Variants in RNF170 observed in about 807,000 individuals in gnomAD.
The protein encoded by RNF170 is E3 ubiquitin-protein ligase RNF170.
In RNF170, 12 loss-of-function variants were observed where a neutral mutation model predicts 32.7. That is an observed-to-expected ratio of 0.37 (90% CI 0.24 to 0.60). The LOEUF is 0.60. RNF170 is among the 20% of genes least tolerant of loss of function. The probability of loss-of-function intolerance (pLI) is 0.72; values close to 1 mark genes in which losing one functional copy is unlikely to be tolerated. For synonymous variants in RNF170, 91 were observed against 103.6 expected (o/e 0.88, Z 0.74); for missense variants, 212 against 311.2 (o/e 0.68, Z 2.40).
rs1469422360 is a variant in RNF170 at position 42,896,514 on chromosome 8, T to A, written c.-38A>T. On this transcript the variant is annotated 5_prime_UTR_variant, in exon 1 of 7. Coordinates refer to ENST00000527424, the MANE Select transcript of RNF170 (RefSeq NM_030954.4). ...CACCGCGAAGGAACTACCTCGCCAG[T>A]TCCCGGCGACAGAGGACAGATTATT... 5 of 453,818 alleles carry A rather than the reference T, an allele frequency of 1.1e-5. No individual in the cohort carries two copies. Among genetic ancestry groups the A allele is most frequent in the East Asian group, 1.4e-4 (2 of 14,344 alleles). The allele number at this position is 453,818 out of a possible 1,614,324, so 28.1% of individuals were successfully genotyped here.
chr8:42,877,000 C>T (rs1048943950), intron 2 of RNF170, among the ~76,000 whole-genome samples: 1 of 140,070 alleles, frequency 7.1e-6, no homozygotes, highest in African/African-American at 2.7e-5. Context: ...GTCGTCCAGG[C>T]TGGGGTGCAG....
In RNF170 at chr8:42,856,313, C is replaced by A; in HGVS notation, c.623G>T (p.Gly208Val). The change falls in exon 7 of 7, where the codon GGA (glycine) becomes GTA (valine). Residue 208 changes from glycine (G) to valine (V), a missense_variant. Gly to Val is a moderately radical substitution (Grantham distance 109). Transcript: ENST00000527424. ...AGGTGATATAAGATAGAAAAAAGCT[C>A]CCATTAAACAAAGTATTATCCTGAT... ...FRIRIILCLM[G>V]AFFYLISPLD... is the part of the protein sequence containing the mutation. The A allele has an allele frequency of 6.3e-7, 1 of 1,583,214 alleles. No individual in the cohort carries two copies. Among genetic ancestry groups the A allele is most frequent in the Non-Finnish European group, 8.5e-7 (1 of 1,170,872 alleles).
At chr8:42,852,240 C>A (rs541156909), downstream of RNF170, among the ~76,000 whole-genome samples, 115 of 152,198 alleles carry the variant, frequency 7.6e-4, no homozygotes, top group Middle Eastern at 6.8e-3. Flanking sequence ...ATGTGGTGTC[C>A]CTCAGCCAAG....
chr8:42,855,228 T>C lies in RNF170; in HGVS notation c.*931A>G, dbSNP rs1454551490. Reference sequence around the variant, plus strand: ...GCTGACTGGAGATAAATGTTTTTCATCTTTTTTTTTTTTTTTTTTGAGAGG... The same window carrying C: ...GCTGACTGGAGATAAATGTTTTTCACCTTTTTTTTTTTTTTTTTTGAGAGG... On this transcript the variant is annotated 3_prime_UTR_variant, in exon 7 of 7. Transcript: ENST00000527424. 8.4e-7 allele frequency: 1 copy of C among 1,196,648 alleles called. No homozygotes were observed. Among genetic ancestry groups the C allele is most frequent in the East Asian group, 5.7e-5 (1 of 17,632 alleles). 74.1% of individuals were successfully genotyped at this position (1,196,648 alleles called of 1,614,324 possible). A position where few individuals can be genotyped will look rare whatever the true frequency, so the allele number is the denominator to read the frequency against.
intron 6 of RNF170, among the ~76,000 whole-genome samples, chr8:42,858,940 T>A (rs1038375460): frequency 6.6e-6 from 1 of 152,162 alleles, no homozygotes; most frequent in Non-Finnish European, 1.5e-5. Context: ...CCCACCACTT[T>A]GGGAGGCCGA....
intron 5 of RNF170, 117 bp from the exon 6 acceptor site, chr8:42,861,972 T>C: frequency 8.8e-7 from 1 of 1,133,284 alleles, no homozygotes; most frequent in South Asian, 1.8e-5. Context: ...CACTCATTTT[T>C]AAATAAAGGC....
At chr8:42,860,251 C>G (rs1300575567) in intron 6 of RNF170, among the ~76,000 whole-genome samples, 2 of 152,098 alleles carry the variant, frequency 1.3e-5, no homozygotes, top group African/African-American at 4.8e-5. Context: ...TTTTGAAGTA[C>G]TTATTCAGTT....
chr8:42,872,814 T>C (rs1203734435), intron 3 of RNF170, among the ~76,000 whole-genome samples: 3 of 152,168 alleles, frequency 2.0e-5, no homozygotes, highest in African/African-American at 7.2e-5. Flanking sequence ...TAATTCACAA[T>C]TGAATTCCCA....
downstream of RNF170, chr8:42,853,217 G>A (rs975374267): frequency 1.2e-4 from 58 of 499,844 alleles, no homozygotes; most frequent in African/African-American, 1.4e-4. Flanking sequence ...TGATAAAGCC[G>A]TTGCAACCAT....
At chr8:42,893,999 AAC>A (rs541206541) in intron 1 of RNF170, among the ~76,000 whole-genome samples, 4 of 152,178 alleles carry the variant, frequency 2.6e-5, no homozygotes, top group Non-Finnish European at 2.9e-5. Context: ...AAAAAAATAA[AAC>A]ACACAGAGAA....
chr8:42,873,951 C>T lies in RNF170; in HGVS notation c.193G>A (p.Glu65Lys). The change falls in exon 3 of 7, where the codon GAA becomes AAA. Residue 65 changes from glutamate to lysine, a missense_variant. By Grantham distance (56) the Glu-to-Lys change is moderately conservative. Around this residue, in one of 2 missense-constraint regions of RNF170, gnomAD observed 115 missense variants for 132.3 expected, o/e 0.87. Coordinates refer to ENST00000527424, the MANE Select transcript of RNF170 (RefSeq NM_030954.4). ...ENQELVRVLREQLQTEQDAPA... is the reference protein window; with the variant it reads ...ENQELVRVLRKQLQTEQDAPA... Reference sequence around the variant, plus strand: ...AATACCTGTTCTGTTTGAAGCTGTTCTCGAAGTACCCTTACTAGCTCCTGG... The same window carrying T: ...AATACCTGTTCTGTTTGAAGCTGTTTTCGAAGTACCCTTACTAGCTCCTGG... 6.3e-7 allele frequency: 1 copy of T among 1,597,432 alleles called. No individual in the cohort carries two copies. The highest frequency in any genetic ancestry group is 1.1e-5 in the South Asian group (1 of 90,712).
intron 4 of RNF170, among the ~76,000 whole-genome samples, chr8:42,866,144 C>A (rs1038726387): frequency 6.6e-6 from 1 of 152,110 alleles, no homozygotes; most frequent in Non-Finnish European, 1.5e-5. Flanking sequence ...ACCAACAAAT[C>A]AGAGCATAAA....
rs1806801009 is a variant in RNF170 at position 42,896,032 on chromosome 8, G to A, written c.-8+452C>T. On this transcript the variant is annotated intron_variant, in intron 1 of 6. Coordinates refer to ENST00000527424, the MANE Select transcript of RNF170 (RefSeq NM_030954.4). ...TTAAAAATTTATCGGCAGCCCAGCA[G>A]ACAGATTCGTGCCTCTAAAGAGGTG... Among the ~76,000 whole-genome samples the A allele has an allele frequency of 2.6e-5, 4 of 152,188 alleles. No homozygotes were observed. The South Asian group carries it at 8.3e-4, about 32-fold the overall frequency.
intron 2 of RNF170, among the ~76,000 whole-genome samples, chr8:42,876,952 GA>G (rs1804991018): frequency 6.8e-6 from 1 of 147,580 alleles, no homozygotes; most frequent in South Asian, 2.1e-4. Context: ...ACTGTGCCCG[GA>G]CTTTTTTTTT....
chr8:42,853,464 A>G lies in RNF170; in HGVS notation c.*2695T>C, dbSNP rs1586466896. On this transcript the variant is annotated 3_prime_UTR_variant, in exon 7 of 7. Coordinates refer to ENST00000527424, the MANE Select transcript of RNF170 (RefSeq NM_030954.4). ...GTCCTTTCTTCCCTTGTACCTCTCA[A>G]ACACTGAGAATTGTAGTAGTTGAAA... The G allele has an allele frequency of 7.8e-7, 1 of 1,287,130 alleles. No individual in the cohort carries two copies. The highest frequency in any genetic ancestry group is 1.0e-6 in the Non-Finnish European group (1 of 988,656). The allele number at this position is 1,287,130 out of a possible 1,614,324, so 79.7% of individuals were successfully genotyped here. A position where few individuals can be genotyped will look rare whatever the true frequency, so the allele number is the denominator to read the frequency against.
intron 1 of RNF170, among the ~76,000 whole-genome samples, chr8:42,888,495 G>A (rs914966558): frequency 1.3e-5 from 2 of 151,608 alleles, no homozygotes; most frequent in African/African-American, 4.8e-5. Context: ...AGATGCAGTG[G>A]CTCACGCCTG....
intron 2 of RNF170, among the ~76,000 whole-genome samples, chr8:42,875,086 G>A (rs569113330): frequency 2.6e-5 from 4 of 151,444 alleles, no homozygotes; most frequent in Non-Finnish European, 4.4e-5. Flanking sequence ...CAGAAGAATC[G>A]CTTAAACCCC....
chr8:42,890,896 G>A (rs189161005), intron 1 of RNF170, among the ~76,000 whole-genome samples: 1 of 152,290 alleles, frequency 6.6e-6, no homozygotes, highest in African/African-American at 2.4e-5. Context: ...CAAAAATGAG[G>A]TATTGTACCA....
chr8:42,882,636 T>C (rs1465832484), intron 2 of RNF170, among the ~76,000 whole-genome samples: 1 of 152,228 alleles, frequency 6.6e-6, no homozygotes, highest in African/African-American at 2.4e-5. Context: ...AAATACTGTA[T>C]GATTCTACTT....
Sources: allele counts gnomAD v4.1 joint callset (sites outside exome capture counted in the v4.1 genomes callset), GRCh38; gene constraint gnomAD v4.1.1; regional missense constraint gnomAD v4.1.1; transcripts MANE v1.5; gene names NCBI Gene and HGNC (gene_info 2026-07-23, HGNC 2026-07-21).